HS3ST3A1: variants seen among roughly 807,000 people sequenced by gnomAD.
HS3ST3A1 encodes the protein heparan sulfate glucosamine 3-O-sulfotransferase 3A1.
A neutral mutation model predicts 25.7 loss-of-function variants in HS3ST3A1; 19 were observed. The observed-to-expected ratio is 0.74, with a 90% confidence interval of 0.52 to 1.08. The LOEUF is 1.08. HS3ST3A1 is among the 50% of genes least tolerant of loss of function. The pLI, the probability that HS3ST3A1 is intolerant of heterozygous loss-of-function variation, is 0.00. For synonymous variants in HS3ST3A1, 226 were observed against 278.6 expected (o/e 0.81, Z 1.88); for missense variants, 459 against 594.3 (o/e 0.77, Z 2.37).
At chr17:13,547,542 G>A (rs1482709870) in intron 1 of HS3ST3A1, among the ~76,000 whole-genome samples, 6 of 152,176 alleles carry the variant, frequency 3.9e-5, no homozygotes, top group Non-Finnish European at 8.8e-5. Flanking sequence ...GCTTACGGAG[G>A]TGCTGGGAGG....
Position 13,601,525 on chromosome 17 carries a change from G to A in HS3ST3A1, c.-396C>T, listed in dbSNP as rs959263891. 3 of 182,124 alleles carry A rather than the reference G, an allele frequency of 1.6e-5. No individual in the cohort carries two copies. Among genetic ancestry groups the A allele is most frequent in the African/African-American group, 2.4e-5 (1 of 42,398 alleles). 11.3% of individuals were successfully genotyped at this position (182,124 alleles called of 1,614,324 possible). A position where few individuals can be genotyped will look rare whatever the true frequency, so the allele number is the denominator to read the frequency against. On this transcript the variant is annotated 5_prime_UTR_variant, in exon 1 of 2. Transcript: ENST00000284110. ...CCGGCCCCGAGAGACTTCTCGGCGC[G>A]GATCTCCGCTCAGCGATCCTGCATC...
chr17:13,525,000 T>C (rs1906364992), intron 1 of HS3ST3A1, among the ~76,000 whole-genome samples: 1 of 152,202 alleles, frequency 6.6e-6, no homozygotes, highest in Non-Finnish European at 1.5e-5. Flanking sequence ...TTACCTTGAA[T>C]TTTACTTTGC....
intron 1 of HS3ST3A1, among the ~76,000 whole-genome samples, chr17:13,528,624 T>G (rs1410661487): frequency 1.3e-5 from 2 of 152,200 alleles, no homozygotes; most frequent in African/African-American, 4.8e-5. Context: ...TTTGTACTTC[T>G]AACTCCCTCT....
intron 1 of HS3ST3A1, among the ~76,000 whole-genome samples, chr17:13,537,244 A>G (rs974502221): frequency 6.6e-6 from 1 of 152,204 alleles, no homozygotes; most frequent in African/African-American, 2.4e-5. Context: ...TAGGAATACA[A>G]TCTTTTCTTG....
At chr17:13,508,468 T>C (rs1004181971) in intron 1 of HS3ST3A1, among the ~76,000 whole-genome samples, 7 of 152,224 alleles carry the variant, frequency 4.6e-5, no homozygotes, top group African/African-American at 1.7e-4. Flanking sequence ...GAATCCTTTA[T>C]GTTTCTGTTG....
At chr17:13,598,035 T>G (rs892627312) in intron 1 of HS3ST3A1, among the ~76,000 whole-genome samples, 1 of 152,168 alleles carries the variant, frequency 6.6e-6, no homozygotes, top group Non-Finnish European at 1.5e-5. Flanking sequence ...TAAAAATAAT[T>G]ATATAGGTTT....
At position 13,494,498 on chromosome 17, in the gene HS3ST3A1, T is replaced by C. The variant is rs368003312; in HGVS notation, c.*1699A>G. Reference sequence around the variant, plus strand: ...GGTAAATGTACAATTGTACTGCATATTTTAAAACAACTTTAGTTTCTTTTG... The same window carrying C: ...GGTAAATGTACAATTGTACTGCATACTTTAAAACAACTTTAGTTTCTTTTG... On this transcript the variant is annotated 3_prime_UTR_variant, in exon 2 of 2. Transcript: ENST00000284110. Among the ~76,000 whole-genome samples, 1 of 152,218 alleles carries C rather than the reference T, an allele frequency of 6.6e-6. No homozygotes were observed. The highest frequency in any genetic ancestry group is 1.5e-5 in the Non-Finnish European group (1 of 68,044).
At chr17:13,538,665 C>T (rs1469881615) in intron 1 of HS3ST3A1, among the ~76,000 whole-genome samples, 3 of 152,008 alleles carry the variant, frequency 2.0e-5, no homozygotes, top group African/African-American at 7.3e-5. Context: ...ACATCATCTG[C>T]TTGGAAGGAA....
intron 1 of HS3ST3A1, chr17:13,556,013 GA>G (rs1407858372): frequency 2.0e-5 from 3 of 152,148 alleles, no homozygotes; most frequent in African/African-American, 7.2e-5. Flanking sequence ...CTAAGAAGAA[GA>G]AAAATCTGGG....
intron 1 of HS3ST3A1, among the ~76,000 whole-genome samples, chr17:13,562,349 A>C (rs1907571273): frequency 6.6e-6 from 1 of 152,134 alleles, no homozygotes; most frequent in African/African-American, 2.4e-5. Flanking sequence ...GGACAGACAG[A>C]CAGCCTCGTC....
At chr17:13,547,047 T>A (rs768643887) in intron 1 of HS3ST3A1, among the ~76,000 whole-genome samples, 5 of 152,338 alleles carry the variant, frequency 3.3e-5, no homozygotes, top group Non-Finnish European at 5.9e-5. Context: ...ATACATTAGA[T>A]TTAATGATTA....
chr17:13,526,613 G>T (rs941687586), intron 1 of HS3ST3A1, among the ~76,000 whole-genome samples: 5 of 149,032 alleles, frequency 3.4e-5, no homozygotes, highest in African/African-American at 1.2e-4. Context: ...TAAAGTTAAA[G>T]CCACTCACAG....
intron 1 of HS3ST3A1, among the ~76,000 whole-genome samples, chr17:13,560,247 G>A (rs557019684): frequency 2.5e-5 from 3 of 118,156 alleles, no homozygotes; most frequent in African/African-American, 3.3e-5. Context: ...CCGAGACAGC[G>A]CCACTATACT....
intron 1 of HS3ST3A1, among the ~76,000 whole-genome samples, chr17:13,559,717 T>C (rs7223801): frequency 0.42 from 63,095 of 151,710 alleles, 14,633 homozygotes; most frequent in Middle Eastern, 0.52. Context: ...CCAAATTCAG[T>C]GAACAGCACT....
intron 1 of HS3ST3A1, among the ~76,000 whole-genome samples, chr17:13,562,287 G>A (rs923125304): frequency 3.3e-5 from 5 of 152,082 alleles, no homozygotes; most frequent in South Asian, 2.1e-4. Flanking sequence ...ATGGTCTGGA[G>A]GAGTCCAGGA....
intron 1 of HS3ST3A1, among the ~76,000 whole-genome samples, chr17:13,515,238 C>A (rs1906012126): frequency 6.6e-6 from 1 of 152,194 alleles, no homozygotes; most frequent in African/African-American, 2.4e-5. Flanking sequence ...TGGCTCACTG[C>A]AACTTCCACC....
chr17:13,526,473 T>TA (rs1177282194), intron 1 of HS3ST3A1, among the ~76,000 whole-genome samples: 12,196 of 76,064 alleles, frequency 0.16, 1,401 homozygotes, highest in African/African-American at 0.2. Flanking sequence ...AACTTTAATT[T>TA]TTATATATAT....
intron 1 of HS3ST3A1, among the ~76,000 whole-genome samples, chr17:13,580,363 T>A (rs1205647630): frequency 1.3e-5 from 2 of 152,200 alleles, no homozygotes; most frequent in African/African-American, 4.8e-5. Context: ...CCTAGTGTTT[T>A]CTCATGGAAG....
chr17:13,524,350 A>C (rs1906341895), intron 1 of HS3ST3A1, among the ~76,000 whole-genome samples: 1 of 152,072 alleles, frequency 6.6e-6, no homozygotes, highest in African/African-American at 2.4e-5. Flanking sequence ...CTCAAGCTCC[A>C]GGGCTCAAGC....
Sources: gnomAD v4.1 joint callset for allele counts (sites outside exome capture counted in the v4.1 genomes callset) on GRCh38, gnomAD v4.1.1 for gene constraint, MANE v1.5 for transcripts, NCBI Gene and HGNC (gene_info 2026-07-23, HGNC 2026-07-21) for gene names.